The following KCTD8 variants were observed in gnomAD, a reference collection of about 807,000 sequenced individuals.
The protein encoded by KCTD8 is potassium channel tetramerization domain containing 8, also known as BTB/POZ domain-containing protein KCTD8.
Under a neutral mutation model 31.5 loss-of-function variants are expected in KCTD8, and 27 were observed. That is an observed-to-expected ratio of 0.86 (90% CI 0.63 to 1.18). The LOEUF is 1.18. Ranked by LOEUF, KCTD8 falls within the 50% of genes most tolerant of loss-of-function variation. KCTD8 has a pLI of 0.00. For synonymous variants in KCTD8, 290 were observed against 280.0 expected, an observed-to-expected ratio of 1.04 and a Z score of -0.36; for missense variants, 658 against 647.7, an observed-to-expected ratio of 1.02 and a Z score of -0.17.
chr4:44,184,147 G>A (rs2109331782), intron 1 of KCTD8, among the ~76,000 whole-genome samples: 1 of 152,330 alleles, frequency 6.6e-6, no homozygotes, highest in Non-Finnish European at 1.5e-5. Context: ...TGCAGATGTA[G>A]CTAAAGTGTG....
rs184173617 is a variant in KCTD8, at chr4:44,304,545, T to C, written c.962-129295A>G. Among the ~76,000 whole-genome samples the C allele has an allele frequency of 2.5e-3, 386 of 152,290 alleles. 3 individuals carry two copies. Among genetic ancestry groups the C allele is most frequent in the African/African-American group, 8.5e-3 (355 of 41,544 alleles). On this transcript the variant is annotated intron_variant, in intron 1 of 1. Transcript: ENST00000360029. ...TCAACATAAAGGGAATAATAAGCTG[T>C]GATTAAAAGTAATATAATGCCATTG...
chr4:44,384,406 T>C (rs571762805), intron 1 of KCTD8, among the ~76,000 whole-genome samples: 15 of 152,006 alleles, frequency 9.9e-5, no homozygotes, highest in African/African-American at 2.4e-4. Flanking sequence ...TAAGTGTCTA[T>C]TGACAGATAA....
chr4:44,194,194 T>A (rs961637484), intron 1 of KCTD8, among the ~76,000 whole-genome samples: 2 of 152,184 alleles, frequency 1.3e-5, no homozygotes, highest in African/African-American at 4.8e-5. Flanking sequence ...TGCTAAGAGT[T>A]TTCAGACCCT....
intron 1 of KCTD8, among the ~76,000 whole-genome samples, chr4:44,338,114 A>T (rs1324713144): frequency 6.6e-6 from 1 of 152,110 alleles, no homozygotes; most frequent in East Asian, 1.9e-4. Context: ...GTACAGGGGT[A>T]AACAGGTTGA....
intron 1 of KCTD8, among the ~76,000 whole-genome samples, chr4:44,248,772 G>A (rs571855278): frequency 2.0e-5 from 3 of 152,000 alleles, no homozygotes; most frequent in Admixed American, 2.0e-4. Flanking sequence ...GACACTGAGA[G>A]AGACCTTGAA....
At position 44,334,119 on chromosome 4, in the gene KCTD8, A is replaced by G. The variant is rs377765006; in HGVS notation, c.961+113444T>C. Among the ~76,000 whole-genome samples, 11 of 152,236 alleles carry G rather than the reference A, an allele frequency of 7.2e-5. No homozygotes were observed. In the East Asian group the frequency reaches 2.1e-3, roughly 29 times the overall value. ...TTAATAGCTATAGTATATTGAACTT[A>G]GCACCCTACAGAGAGATACCATAAA... On this transcript the variant is annotated intron_variant, in intron 1 of 1. Transcript: ENST00000360029.
intron 1 of KCTD8, among the ~76,000 whole-genome samples, chr4:44,411,818 T>C (rs141360544): frequency 2.6e-5 from 4 of 152,072 alleles, no homozygotes; most frequent in African/African-American, 9.6e-5. Flanking sequence ...ATGCCAAGGA[T>C]TGACAGCCAC....
At chr4:44,362,216 G>A (rs1308511818) in intron 1 of KCTD8, among the ~76,000 whole-genome samples, 4 of 152,146 alleles carry the variant, frequency 2.6e-5, no homozygotes, top group African/African-American at 9.7e-5. Flanking sequence ...GCAAGTGTAG[G>A]CAGGTTGTCT....
chr4:44,399,296 A>C (rs573175890), intron 1 of KCTD8, among the ~76,000 whole-genome samples: 1 of 152,272 alleles, frequency 6.6e-6, no homozygotes, highest in South Asian at 2.1e-4. Context: ...GAAAGAATTC[A>C]GGCAACTAGG....
At chr4:44,342,613 G>C (rs1327117168) in intron 1 of KCTD8, among the ~76,000 whole-genome samples, 2 of 152,160 alleles carry the variant, frequency 1.3e-5, no homozygotes, top group Non-Finnish European at 1.5e-5. Flanking sequence ...GAGATAACCT[G>C]TCTTTTAAGC....
chr4:44,347,798 T>C (rs1719072755), intron 1 of KCTD8, among the ~76,000 whole-genome samples: 1 of 152,196 alleles, frequency 6.6e-6, no homozygotes, highest in African/African-American at 2.4e-5. Context: ...CAGTATTATA[T>C]GCATAAAACG....
intron 1 of KCTD8, among the ~76,000 whole-genome samples, chr4:44,445,572 G>A (rs1011656611): frequency 1.3e-5 from 2 of 151,916 alleles, no homozygotes; most frequent in Non-Finnish European, 2.9e-5. Flanking sequence ...ATATACTAAG[G>A]GCACTTTTTT....
chr4:44,178,659 C>T (rs1345880587), intron 1 of KCTD8, among the ~76,000 whole-genome samples: 4 of 151,860 alleles, frequency 2.6e-5, no homozygotes, highest in African/African-American at 9.7e-5. Flanking sequence ...GGCAGGGCAA[C>T]AGAGAATTAG....
At chr4:44,233,656 T>C (rs1240820678) in intron 1 of KCTD8, among the ~76,000 whole-genome samples, 2 of 152,212 alleles carry the variant, frequency 1.3e-5, no homozygotes, top group East Asian at 1.9e-4. Context: ...TATTTTTATA[T>C]AGAAATTCTG....
chr4:44,422,731 C>CT (rs1040491596), intron 1 of KCTD8, among the ~76,000 whole-genome samples: 4 of 151,968 alleles, frequency 2.6e-5, no homozygotes, highest in African/African-American at 9.7e-5. Flanking sequence ...CTATCAAATG[C>CT]TGAGTTTAAT....
At position 44,259,459 on chromosome 4, in the gene KCTD8, A is replaced by G. The variant is rs17641647; in HGVS notation, c.962-84209T>C. 2.7e-3 allele frequency among the ~76,000 whole-genome samples: 414 copies of G among 151,998 alleles called. 16 individuals carry two copies. The East Asian group carries it at 0.069, about 25-fold the overall frequency. ...GCCATAGGATTACAAAAACAGAGTCAATGGAACAGGAAAAAAATAGTAAGA... is the reference window on the plus strand; with the variant it reads ...GCCATAGGATTACAAAAACAGAGTCGATGGAACAGGAAAAAAATAGTAAGA... On this transcript the variant is annotated intron_variant, in intron 1 of 1. Coordinates refer to ENST00000360029, the MANE Select transcript of KCTD8 (RefSeq NM_198353.3).
At chr4:44,294,990 C>G (rs919321280) in intron 1 of KCTD8, among the ~76,000 whole-genome samples, 1 of 152,012 alleles carries the variant, frequency 6.6e-6, no homozygotes, top group Non-Finnish European at 1.5e-5. Context: ...AGATAAAAGG[C>G]TGTCAAAAAC....
At position 44,305,015 on chromosome 4, in the gene KCTD8, G is replaced by A. The variant is rs142315204; in HGVS notation, c.962-129765C>T. ...GGAATCAACAGCAAATAAACCTGGT[G>A]GGAGAAGGTTTTACATTAAAATAGT... is the stretch of plus-strand genomic sequence containing the variant. On this transcript the variant is annotated intron_variant, in intron 1 of 1. Transcript: ENST00000360029. Among the ~76,000 whole-genome samples, 409 of 151,928 alleles carry A rather than the reference G, an allele frequency of 2.7e-3. 1 individual carries two copies. The highest frequency in any genetic ancestry group is 0.01 in the Middle Eastern group (3 of 292).
intron 1 of KCTD8, among the ~76,000 whole-genome samples, chr4:44,182,650 C>T (rs752883579): frequency 2.9e-4 from 44 of 152,130 alleles, no homozygotes; most frequent in Non-Finnish European, 6.0e-4. Context: ...ACAAACACTG[C>T]GGAAGGCCAC....
Sources: gnomAD v4.1 joint callset for allele counts (sites outside exome capture counted in the v4.1 genomes callset) on GRCh38, gnomAD v4.1.1 for gene constraint, MANE v1.5 for transcripts, NCBI Gene and HGNC (gene_info 2026-07-23, HGNC 2026-07-21) for gene names.